Variants in IL6ST observed in about 807,000 individuals in gnomAD.
IL6ST encodes the protein interleukin-6 receptor subunit beta.
In IL6ST, 24 loss-of-function variants were observed where a neutral mutation model predicts 91.3. That is an observed-to-expected ratio of 0.26 (90% CI 0.19 to 0.37). IL6ST has a LOEUF of 0.37. IL6ST is among the 10% of genes least tolerant of loss of function. IL6ST has a pLI of 1.00. For synonymous variants in IL6ST, 351 were observed against 373.6 expected (o/e 0.94, Z 0.70); for missense variants, 914 against 1,078.5 (o/e 0.85, Z 2.14).
Position 55,952,004 on chromosome 5 carries a change from G to C in IL6ST, c.1624C>G (p.Leu542Val). 6.3e-7 allele frequency: 1 copy of C among 1,599,176 alleles called. No individual in the cohort carries two copies. Among genetic ancestry groups the C allele is most frequent in the Non-Finnish European group, 8.6e-7 (1 of 1,166,644 alleles). ...KNEAVLEWDQ[L>V]PVDVQNGFIR... Reference sequence around the variant, plus strand: ...AATCCATTCTGAACATCAACAGGAAGTTGGTCCCACTCTAAGACAGCTTCG... The same window carrying C: ...AATCCATTCTGAACATCAACAGGAACTTGGTCCCACTCTAAGACAGCTTCG... The change falls in exon 13 of 17, where the codon CTT becomes GTT. Residue 542 changes from leucine (L) to valine (V), a missense_variant. Coordinates refer to ENST00000381298, the MANE Select transcript of IL6ST (RefSeq NM_002184.4).
At position 55,940,133 on chromosome 5, in the gene IL6ST, GTA is replaced by G. The variant is rs71287158; in HGVS notation, c.*947_*948del. 3.8e-5 allele frequency: 7 copies of G among 183,796 alleles called. No homozygotes were observed. The highest frequency in any genetic ancestry group is 2.5e-4 in the East Asian group (3 of 12,120). 11.4% of individuals were successfully genotyped at this position (183,796 alleles called of 1,614,324 possible). A position where few individuals can be genotyped will look rare whatever the true frequency, so the allele number is the denominator to read the frequency against. On this transcript the variant is annotated 3_prime_UTR_variant, in exon 17 of 17. Coordinates refer to ENST00000381298, the MANE Select transcript of IL6ST (RefSeq NM_002184.4). ...TAAGAAAAGTCAATGATATGTGTGT[GTA>G]TATATATATATATATATACACACAT...
Position 55,952,403 on chromosome 5 carries a change from G to A in IL6ST, c.1451-52C>T, listed in dbSNP as rs761969446. On this transcript the variant is annotated intron_variant, in intron 11 of 16. Transcript: ENST00000381298. ...TGTTTTTCCATAATGAAAAAGTCAAGTTAATACCGTAATTTATTTTTACAT... is the reference window on the plus strand; with the variant it reads ...TGTTTTTCCATAATGAAAAAGTCAAATTAATACCGTAATTTATTTTTACAT... 59 of 970,278 alleles carry A rather than the reference G, an allele frequency of 6.1e-5. 1 individual carries two copies. The East Asian group carries it at 1.3e-3, about 22-fold the overall frequency. 60.1% of individuals were successfully genotyped at this position (970,278 alleles called of 1,614,324 possible).
chr5:55,982,926 T>C (rs1753744402), intron 1 of IL6ST, 115 bp from the exon 2 acceptor site: 1 of 393,200 alleles, frequency 2.5e-6, no homozygotes, highest in Non-Finnish European at 4.5e-6. Context: ...AGTATCCTAC[T>C]TTAGATATGT....
intron 7 of IL6ST, among the ~76,000 whole-genome samples, chr5:55,960,883 G>C (rs1053109599): frequency 6.6e-6 from 1 of 151,934 alleles, no homozygotes; most frequent in Non-Finnish European, 1.5e-5. Flanking sequence ...CACTTGCCTC[G>C]GCCTCCCAAA....
intron 1 of IL6ST, among the ~76,000 whole-genome samples, chr5:55,987,820 T>C (rs979411331): frequency 6.6e-6 from 1 of 152,198 alleles, no homozygotes; most frequent in African/African-American, 2.4e-5. Context: ...TTGCTGTTGC[T>C]GCCACAGGTA....
intron 15 of IL6ST, 21 bp from the exon 16 acceptor site, chr5:55,942,772 G>A (rs541983928): frequency 1.4e-6 from 2 of 1,402,234 alleles, no homozygotes; most frequent in African/African-American, 2.8e-5. Context: ...AAGAAAAATG[G>A]CCTATGTAAA....
In IL6ST at chr5:55,939,610, C is replaced by T. The variant is rs1016456382; in HGVS notation, c.*1472G>A. The stretch of plus-strand genomic sequence containing the variant: ...CATAAAAACCTGTTTCCTTTGAATT[C>T]ACTTGATAGCAGTAGTCAATCACTA... On this transcript the variant is annotated 3_prime_UTR_variant, in exon 17 of 17. Coordinates refer to ENST00000381298, the MANE Select transcript of IL6ST (RefSeq NM_002184.4). The T allele has an allele frequency of 9.9e-6, 2 of 202,890 alleles. No individual in the cohort carries two copies. Among genetic ancestry groups the T allele is most frequent in the Non-Finnish European group, 2.0e-5 (2 of 98,692 alleles). The allele number at this position is 202,890 out of a possible 1,614,324, so 12.6% of individuals were successfully genotyped here.
intron 3 of IL6ST, among the ~76,000 whole-genome samples, chr5:55,972,129 A>T (rs997499115): frequency 6.6e-6 from 1 of 152,228 alleles, no homozygotes; most frequent in Non-Finnish European, 1.5e-5. Flanking sequence ...GGGATGTTAA[A>T]TATGAAATAT....
intron 8 of IL6ST, among the ~76,000 whole-genome samples, chr5:55,958,221 T>C (rs1003044163): frequency 9.9e-5 from 15 of 152,118 alleles, no homozygotes; most frequent in Non-Finnish European, 2.1e-4. Context: ...TCCTCCCACC[T>C]CAGCAACCCA....
Position 55,957,199 on chromosome 5 carries a change from G to A in IL6ST, c.1056+10C>T. ...TTTATAAGAGATAAAATATAAATGT[G>A]ATTTTTTACCTTCCACACGAGTTGT... On this transcript the variant is annotated intron_variant, in intron 9 of 16. Transcript: ENST00000381298. 1 of 1,282,140 alleles carries A rather than the reference G, an allele frequency of 7.8e-7. No homozygotes were observed. Among genetic ancestry groups the A allele is most frequent in the Non-Finnish European group, 1.1e-6 (1 of 914,640 alleles). The allele number at this position is 1,282,140 out of a possible 1,614,324, so 79.4% of individuals were successfully genotyped here.
chr5:55,981,700 C>G (rs1433428157), intron 2 of IL6ST, among the ~76,000 whole-genome samples: 2 of 151,936 alleles, frequency 1.3e-5, no homozygotes, highest in Non-Finnish European at 2.9e-5. Flanking sequence ...TTTTTCCCTC[C>G]TTTCCTTCTG....
At position 55,939,759 on chromosome 5, in the gene IL6ST, G is replaced by A. The variant is rs933060451; in HGVS notation, c.*1323C>T. On this transcript the variant is annotated 3_prime_UTR_variant, in exon 17 of 17. Coordinates refer to ENST00000381298, the MANE Select transcript of IL6ST (RefSeq NM_002184.4). The stretch of plus-strand genomic sequence containing the variant: ...CTAGCGGCTTTAGCACTAAACTCGA[G>A]GCCTGGGTCACTTCTCCCTTGAAGA... The A allele has an allele frequency of 3.4e-5, 7 of 208,054 alleles. No individual in the cohort carries two copies. Among genetic ancestry groups the A allele is most frequent in the African/African-American group, 1.4e-4 (6 of 43,982 alleles). The allele number at this position is 208,054 out of a possible 1,614,324, so 12.9% of individuals were successfully genotyped here. A position where few individuals can be genotyped will look rare whatever the true frequency, so the allele number is the denominator to read the frequency against.
intron 10 of IL6ST, 22 bp from the exon 11 acceptor site, chr5:55,955,014 T>C (rs373676037): frequency 4.0e-4 from 582 of 1,463,050 alleles, no homozygotes; most frequent in Non-Finnish European, 5.0e-4. Flanking sequence ...AGTTTGAATA[T>C]TGAAATAATA....
At chr5:55,973,286 C>G (rs1325578111) in intron 3 of IL6ST, among the ~76,000 whole-genome samples, 1 of 152,154 alleles carries the variant, frequency 6.6e-6, no homozygotes, top group African/African-American at 2.4e-5. Flanking sequence ...TACGATGTCA[C>G]GCATACTCTT....
chr5:55,976,334 T>C, intron 2 of IL6ST, 41 bp from the exon 3 acceptor site: 1 of 1,104,806 alleles, frequency 9.1e-7, no homozygotes, highest in Non-Finnish European at 1.3e-6. Context: ...ATATTTTTTC[T>C]CTTATATACA....
chr5:55,985,254 A>G (rs189981994), intron 1 of IL6ST, among the ~76,000 whole-genome samples: 2 of 152,286 alleles, frequency 1.3e-5, no homozygotes, highest in East Asian at 3.9e-4. Context: ...AGTAGCTCAC[A>G]CTTGTAATCC....
At chr5:55,987,798 T>C (rs1754056196) in intron 1 of IL6ST, among the ~76,000 whole-genome samples, 2 of 152,182 alleles carry the variant, frequency 1.3e-5, no homozygotes, top group Admixed American at 6.5e-5. Flanking sequence ...GCTGTTATTA[T>C]TAGTGCAGCT....
Position 55,938,481 on chromosome 5 carries a change from G to A in IL6ST, c.*2601C>T, listed in dbSNP as rs549198215. 5.6e-5 allele frequency: 11 copies of A among 196,248 alleles called. No individual in the cohort carries two copies. Among genetic ancestry groups the A allele is most frequent in the South Asian group, 1.9e-4 (1 of 5,200 alleles). The allele number at this position is 196,248 out of a possible 1,614,324, so 12.2% of individuals were successfully genotyped here. The stretch of plus-strand genomic sequence containing the variant: ...TATAATATCAACACATGTAACATTT[G>A]GGTCATTATTTTATAACCCTAAAGG... On this transcript the variant is annotated 3_prime_UTR_variant, in exon 17 of 17. Transcript: ENST00000381298.
chr5:55,959,013 T>G (rs918715330), intron 8 of IL6ST, among the ~76,000 whole-genome samples: 1 of 151,410 alleles, frequency 6.6e-6, no homozygotes, highest in African/African-American at 2.4e-5. Context: ...TCAAACAGAA[T>G]AAAGAACATG....
Sources: gnomAD v4.1 joint callset for allele counts (sites outside exome capture counted in the v4.1 genomes callset) on GRCh38, gnomAD v4.1.1 for gene constraint, MANE v1.5 for transcripts, NCBI Gene and HGNC (gene_info 2026-07-23, HGNC 2026-07-21) for gene names.